Variants in KMO observed in about 807,000 individuals in gnomAD.
KMO encodes kynurenine 3-hydroxylase.
Under a neutral mutation model 57.8 loss-of-function variants are expected in KMO, and 24 were observed. The observed-to-expected ratio is 0.42, with a 90% CI of 0.30 to 0.58. KMO has a LOEUF of 0.58. KMO is among the 20% of genes least tolerant of loss of function. The pLI is 0.22. For missense variants in KMO, 483 were observed against 588.2 expected, an observed-to-expected ratio of 0.82 and a Z score of 1.85; for synonymous variants, 210 against 193.6, an observed-to-expected ratio of 1.08 and a Z score of -0.70.
At chr1:241,588,723 G>A (rs1663123502) in intron 11 of KMO, 25 bp from the exon 12 acceptor site, 1 of 1,556,606 alleles carries the variant, frequency 6.4e-7, no homozygotes, top group Admixed American at 1.7e-5. Flanking sequence ...GAAGGTTTTG[G>A]AAAGATGTAT....
chr1:241,589,952 T>A, intron 12 of KMO, 60 bp from the exon 13 acceptor site: 1 of 1,240,306 alleles, frequency 8.1e-7, no homozygotes, highest in South Asian at 1.2e-5. Flanking sequence ...TAATACTAAG[T>A]CGCAGTGAGA....
chr1:241,558,392 T>C (rs1418327781), intron 5 of KMO, among the ~76,000 whole-genome samples: 2 of 152,232 alleles, frequency 1.3e-5, no homozygotes, highest in Non-Finnish European at 2.9e-5. Flanking sequence ...TTACGAGGCA[T>C]CAAATGTGGG....
chr1:241,594,628 C>A lies in KMO; in HGVS notation c.*2475C>A. 1 of 1,614,104 alleles carries A rather than the reference C, an allele frequency of 6.2e-7. No homozygotes were observed. ...ATTTCACTTCCAGCTGCTGGTAGGT[C>A]TTTAGCAGGCCTCTGGCACCTCAGC... On this transcript the variant is annotated 3_prime_UTR_variant, in exon 15 of 15. Coordinates refer to ENST00000366559, the MANE Select transcript of KMO (RefSeq NM_003679.5).
At chr1:241,547,039 G>C (rs1245421680) in intron 1 of KMO, among the ~76,000 whole-genome samples, 1 of 152,180 alleles carries the variant, frequency 6.6e-6, no homozygotes, top group African/African-American at 2.4e-5. Context: ...GAAAATTCAA[G>C]TGTGATAATT....
At chr1:241,549,509 T>C (rs1661319485) in intron 2 of KMO, among the ~76,000 whole-genome samples, 168 bp from the exon 3 acceptor site, 1 of 152,208 alleles carries the variant, frequency 6.6e-6, no homozygotes. Context: ...ACCAACTATC[T>C]AAATTTAATT....
chr1:241,573,279 G>A (rs967859978), intron 10 of KMO, among the ~76,000 whole-genome samples: 5 of 151,978 alleles, frequency 3.3e-5, no homozygotes, highest in Non-Finnish European at 5.9e-5. Flanking sequence ...GAGCTACTGC[G>A]CCCAACCCAT....
chr1:241,553,462 G>A (rs1225981241), intron 4 of KMO, among the ~76,000 whole-genome samples: 1 of 152,144 alleles, frequency 6.6e-6, no homozygotes, highest in Non-Finnish European at 1.5e-5. Flanking sequence ...CAAGGTAGGT[G>A]GATTGCTTGA....
Position 241,592,722 on chromosome 1 carries a change from G to C in KMO, c.*569G>C, listed in dbSNP as rs565073398. 1 of 146,828 alleles carries C rather than the reference G, an allele frequency of 6.8e-6. No individual in the cohort carries two copies. The highest frequency in any genetic ancestry group is 2.5e-5 in the African/African-American group (1 of 40,260). 9.1% of individuals were successfully genotyped at this position (146,828 alleles called of 1,614,324 possible). A position where few individuals can be genotyped will look rare whatever the true frequency, so the allele number is the denominator to read the frequency against. On this transcript the variant is annotated 3_prime_UTR_variant, in exon 15 of 15. Coordinates refer to ENST00000366559, the MANE Select transcript of KMO (RefSeq NM_003679.5). ...AAGTATTATCATCTATCTGTTTATC[G>C]TCTATCTATCTATCATCTATCTATC...
At chr1:241,553,511 A>T (rs558902850) in intron 4 of KMO, among the ~76,000 whole-genome samples, 1 of 152,224 alleles carries the variant, frequency 6.6e-6, no homozygotes, top group East Asian at 1.9e-4. Flanking sequence ...ACATGGCAAG[A>T]CCCTGTTTCT....
intron 1 of KMO, among the ~76,000 whole-genome samples, chr1:241,535,948 C>A (rs573301181): frequency 6.6e-6 from 1 of 152,286 alleles, no homozygotes; most frequent in Admixed American, 6.5e-5. Context: ...AAGCTTTTTA[C>A]TTCGTAGATC....
intron 11 of KMO, among the ~76,000 whole-genome samples, chr1:241,587,132 A>AGG (rs1663028950): frequency 6.6e-6 from 1 of 151,946 alleles, no homozygotes; most frequent in African/African-American, 2.4e-5. Context: ...TTCCACAGAC[A>AGG]GGGGGTGGGG....
chr1:241,588,329 C>CTTTTT (rs57587351), intron 11 of KMO, among the ~76,000 whole-genome samples: 522 of 98,168 alleles, frequency 5.3e-3, no homozygotes, highest in East Asian at 0.012. Context: ...TCTTTTTTTT[C>CTTTTT]TTTTTTTTTT....
intron 5 of KMO, among the ~76,000 whole-genome samples, 194 bp from the exon 6 acceptor site, chr1:241,560,471 G>A (rs1236183281): frequency 2.6e-5 from 4 of 152,158 alleles, no homozygotes; most frequent in African/African-American, 9.7e-5. Flanking sequence ...TTATTCATCT[G>A]TTTTACTACC....
chr1:241,552,155 TGTGTGA>T (rs1661425659), intron 4 of KMO, among the ~76,000 whole-genome samples: 1 of 136,680 alleles, frequency 7.3e-6, no homozygotes, highest in Admixed American at 7.7e-5. Flanking sequence ...TGTCTGTGTG[TGTGTGA>T]GTGTGAGTGT....
At chr1:241,549,038 A>T in intron 2 of KMO, 140 bp downstream of exon 2, 1 of 566,478 alleles carries the variant, frequency 1.8e-6, no homozygotes, top group Non-Finnish European at 3.2e-6. Context: ...ATCTCTACAA[A>T]AAATACAAAA....
At position 241,595,607 on chromosome 1, in the gene KMO, T is replaced by G. The variant is rs1211403826; in HGVS notation, c.*3454T>G. On this transcript the variant is annotated 3_prime_UTR_variant, in exon 15 of 15. Transcript: ENST00000366559. Reference sequence around the variant, plus strand: ...TGTTGAATATATGGACTTTCTCAGATTAGGAAATACCAATTAAAAATATAA... The same window carrying G: ...TGTTGAATATATGGACTTTCTCAGAGTAGGAAATACCAATTAAAAATATAA... The G allele has an allele frequency of 6.6e-6, 1 of 152,238 alleles. No individual in the cohort carries two copies. The allele number at this position is 152,238 out of a possible 1,614,324, so 9.4% of individuals were successfully genotyped here.
intron 1 of KMO, among the ~76,000 whole-genome samples, chr1:241,538,447 A>T (rs1660825760): frequency 6.6e-6 from 1 of 152,226 alleles, no homozygotes; most frequent in South Asian, 2.1e-4. Context: ...ACTTTAAGCA[A>T]CTATTACCAT....
chr1:241,542,122 C>A (rs902694652), intron 1 of KMO, among the ~76,000 whole-genome samples: 3 of 151,496 alleles, frequency 2.0e-5, no homozygotes, highest in African/African-American at 7.3e-5. Flanking sequence ...TTTTTTGTTG[C>A]TTATCAGTTC....
At position 241,592,619 on chromosome 1, in the gene KMO, A is replaced by G. The variant is rs1309805864; in HGVS notation, c.*466A>G. On this transcript the variant is annotated 3_prime_UTR_variant, in exon 15 of 15. Transcript: ENST00000366559. ...GGGCTCAGACTTACTAGATAAAACC[A>G]GAAATGGAAATAAGGAATTCAGGGG... 1 of 155,190 alleles carries G rather than the reference A, an allele frequency of 6.4e-6. No homozygotes were observed. Among genetic ancestry groups the G allele is most frequent in the Non-Finnish European group, 1.4e-5 (1 of 70,202 alleles). 9.6% of individuals were successfully genotyped at this position (155,190 alleles called of 1,614,324 possible).
Sources: allele counts gnomAD v4.1 joint callset (sites outside exome capture counted in the v4.1 genomes callset), GRCh38; gene constraint gnomAD v4.1.1; transcripts MANE v1.5; gene names NCBI Gene and HGNC (gene_info 2026-07-23, HGNC 2026-07-21).